Variants in NRDC observed in about 807,000 individuals in gnomAD.
The protein encoded by NRDC is nardilysin.
In NRDC, 54 loss-of-function variants were observed where a neutral mutation model predicts 147.1. The ratio of observed to expected loss-of-function variants is 0.37; its 90% CI spans 0.29 to 0.46. The LOEUF is 0.46. Ranked by LOEUF, NRDC falls within the 20% of genes least tolerant of loss-of-function variation. The probability of loss-of-function intolerance (pLI) is 1.00; values close to 1 mark genes in which losing one functional copy is unlikely to be tolerated. For synonymous variants in NRDC, 440 were observed against 482.1 expected (o/e 0.91, Z 1.14); for missense variants, 1,082 against 1,370.6 (o/e 0.79, Z 3.33).
At chr1:51,813,932 A>C in intron 14 of NRDC, 103 bp downstream of exon 14, 2 of 782,058 alleles carry the variant, frequency 2.6e-6, no homozygotes, top group East Asian at 5.0e-5. Flanking sequence ...ACACAGAATG[A>C]CAGAATTAAA....
chr1:51,793,349 C>CTGTA (rs965566909), intron 24 of NRDC, among the ~76,000 whole-genome samples: 1 of 152,216 alleles, frequency 6.6e-6, no homozygotes, highest in Non-Finnish European at 1.5e-5. Context: ...AAAGGCTAGG[C>CTGTA]TGTACCATTT....
At chr1:51,847,085 C>T (rs1681668766) in intron 1 of NRDC, among the ~76,000 whole-genome samples, 1 of 152,034 alleles carries the variant, frequency 6.6e-6, no homozygotes, top group African/African-American at 2.4e-5. Context: ...TCCAAGTCCC[C>T]ACCAGATCAG....
chr1:51,791,700 T>C, intron 26 of NRDC, 39 bp from the exon 27 acceptor site: 2 of 1,512,786 alleles, frequency 1.3e-6, no homozygotes, highest in Non-Finnish European at 1.8e-6. Flanking sequence ...GCTCAGGTGA[T>C]CATCTGGGCC....
In NRDC at chr1:51,810,393, T is replaced by C. The variant is rs765541643; in HGVS notation, c.1791A>G (p.Glu597=). 1 of 1,611,944 alleles carries C rather than the reference T, an allele frequency of 6.2e-7. No individual in the cohort carries two copies. Among genetic ancestry groups the C allele is most frequent in the Admixed American group, 1.7e-5 (1 of 59,784 alleles). The stretch of plus-strand genomic sequence containing the variant: ...TTTGAGGAACTAGCTGATTCAAGGC[T>C]TCACCAATGACCTAGTAAAGTGGGA... The part of the protein sequence containing the change: ...LFEYKPEVIG[E]ALNQLVPQKA... The change falls in exon 16 of 31, where the codon GAA becomes GAG. Residue 597 remains glutamate, a synonymous_variant. Coordinates refer to ENST00000352171, the MANE Select transcript of NRDC (RefSeq NM_001101662.2).
chr1:51,815,653 CT>C (rs1679935797), intron 11 of NRDC, among the ~76,000 whole-genome samples: 1 of 151,944 alleles, frequency 6.6e-6, no homozygotes, highest in Non-Finnish European at 1.5e-5. Context: ...TCTTAGTTTT[CT>C]TTGAATGTTC....
rs1683457909 is a variant in NRDC, at chr1:51,878,711, C to T, written c.-96G>A. 2.7e-6 allele frequency: 3 copies of T among 1,119,466 alleles called. No individual in the cohort carries two copies. In the East Asian group the frequency reaches 7.7e-5, roughly 29 times the overall value. 69.3% of individuals were successfully genotyped at this position (1,119,466 alleles called of 1,614,324 possible). A position where few individuals can be genotyped will look rare whatever the true frequency, so the allele number is the denominator to read the frequency against. ...GCGGCCGGCCCTGGTGCTGCCGCAG[C>T]CGCGGGGAACAGGCCTGAACCCCTC... On this transcript the variant is annotated 5_prime_UTR_variant, in exon 1 of 31. Transcript: ENST00000352171.
intron 1 of NRDC, among the ~76,000 whole-genome samples, chr1:51,854,511 G>A (rs74608299): frequency 3.9e-4 from 59 of 152,322 alleles, no homozygotes; most frequent in African/African-American, 1.3e-3. Flanking sequence ...TTGAGATGAC[G>A]CAGGGACCCC....
chr1:51,878,701 G>C lies in NRDC; in HGVS notation c.-86C>G. 1.6e-6 allele frequency: 2 copies of C among 1,214,492 alleles called. No homozygotes were observed. Among genetic ancestry groups the C allele is most frequent in the Non-Finnish European group, 2.3e-6 (2 of 863,420 alleles). The allele number at this position is 1,214,492 out of a possible 1,614,324, so 75.2% of individuals were successfully genotyped here. On this transcript the variant is annotated 5_prime_UTR_variant, in exon 1 of 31. Coordinates refer to ENST00000352171, the MANE Select transcript of NRDC (RefSeq NM_001101662.2). ...AGAGGCGGTGGCGGCCGGCCCTGGT[G>C]CTGCCGCAGCCGCGGGGAACAGGCC...
Position 51,875,607 on chromosome 1 carries a change from G to C in NRDC, c.341+2668C>G, listed in dbSNP as rs1031373990. On this transcript the variant is annotated intron_variant, in intron 1 of 30. Transcript: ENST00000352171. ...ACAGTGTCTCACTGCCACCCAGGCT[G>C]GAGTGCAGTGGCACGATCATGGCTC... 5.4e-3 allele frequency among the ~76,000 whole-genome samples: 820 copies of C among 152,270 alleles called. 1 individual carries two copies. Among genetic ancestry groups the C allele is most frequent in the Non-Finnish European group, 8.6e-3 (583 of 68,022 alleles).
chr1:51,798,658 A>G, intron 21 of NRDC: 1 of 357,648 alleles, frequency 2.8e-6, no homozygotes, highest in Non-Finnish European at 5.1e-6. Context: ...TGCAGGGTAA[A>G]ATATTTCACA....
chr1:51,855,099 C>T lies in NRDC; in HGVS notation c.342-14585G>A, dbSNP rs141669516. 2.0e-5 allele frequency among the ~76,000 whole-genome samples: 3 copies of T among 152,340 alleles called. No individual in the cohort carries two copies. The East Asian group carries it at 5.8e-4, about 29-fold the overall frequency. On this transcript the variant is annotated intron_variant, in intron 1 of 30. Coordinates refer to ENST00000352171, the MANE Select transcript of NRDC (RefSeq NM_001101662.2). Reference sequence around the variant, plus strand: ...TCTTCTACTGTACCTATGACCTATACACCACTGCTTCAAGATATCCCAACC... The same window carrying T: ...TCTTCTACTGTACCTATGACCTATATACCACTGCTTCAAGATATCCCAACC...
chr1:51,867,003 CTCAG>C (rs1241399306), intron 1 of NRDC, among the ~76,000 whole-genome samples: 1 of 151,984 alleles, frequency 6.6e-6, no homozygotes, highest in African/African-American at 2.4e-5. Context: ...AAGACAGAGT[CTCAG>C]TCTGTCGCTC....
chr1:51,796,166 C>A (rs1227366465), intron 22 of NRDC, among the ~76,000 whole-genome samples: 1 of 152,144 alleles, frequency 6.6e-6, no homozygotes, highest in Non-Finnish European at 1.5e-5. Flanking sequence ...CAGGCATAAG[C>A]CACCATGTCC....
intron 24 of NRDC, 122 bp from the exon 25 acceptor site, chr1:51,792,546 A>G: frequency 3.7e-6 from 3 of 818,016 alleles, no homozygotes; most frequent in East Asian, 2.5e-5. Flanking sequence ...CAAGAGAGTT[A>G]ATCATACTTT....
chr1:51,816,660 C>T (rs1277258954), intron 10 of NRDC, among the ~76,000 whole-genome samples: 1 of 152,186 alleles, frequency 6.6e-6, no homozygotes. Context: ...AACTTATCTG[C>T]TCTCATGATA....
rs1182176370 is a variant in NRDC, at chr1:51,803,949, A to C, written c.2178T>G (p.Asp726Glu). 1 of 1,606,106 alleles carries C rather than the reference A, an allele frequency of 6.2e-7. No individual in the cohort carries two copies. The highest frequency in any genetic ancestry group is 1.1e-5 in the South Asian group (1 of 89,144). ...QKSAANVVLF[D>E]IFVNILTHNL... is the part of the protein sequence containing the mutation. ...TATGCGTAAGGATATTGACAAAGAT[A>C]TCAAAGAGGACCACACTAAGAAGTA... Residue 726 changes from aspartate to glutamate, a missense_variant, in exon 20 of 31, where the codon GAT becomes GAG. Asp to Glu is a conservative substitution (Grantham distance 45). Coordinates refer to ENST00000352171, the MANE Select transcript of NRDC (RefSeq NM_001101662.2).
At chr1:51,799,530 C>A (rs1414541933) in intron 21 of NRDC, among the ~76,000 whole-genome samples, 1 of 152,150 alleles carries the variant, frequency 6.6e-6, no homozygotes, top group Non-Finnish European at 1.5e-5. Flanking sequence ...ACAGCTGTGT[C>A]AAAAGCAGAA....
chr1:51,862,091 A>T (rs1441963628), intron 1 of NRDC: 2 of 152,208 alleles, frequency 1.3e-5, no homozygotes, highest in Non-Finnish European at 2.9e-5. Flanking sequence ...TGGACCATGG[A>T]GTTCATTCAA....
At chr1:51,796,845 C>G (rs1413005913) in intron 22 of NRDC, among the ~76,000 whole-genome samples, 2 of 149,982 alleles carry the variant, frequency 1.3e-5, no homozygotes, top group Non-Finnish European at 3.0e-5. Context: ...CTCGGCCTCC[C>G]AAAGTGCTGG....
Sources: allele counts gnomAD v4.1 joint callset (sites outside exome capture counted in the v4.1 genomes callset), GRCh38; gene constraint gnomAD v4.1.1; transcripts MANE v1.5; gene names NCBI Gene and HGNC (gene_info 2026-07-23, HGNC 2026-07-21).